Variants in CATSPER2 observed in about 807,000 individuals in gnomAD.
The protein encoded by CATSPER2 is cation channel sperm associated 2.
In CATSPER2, 56 loss-of-function variants were observed where a neutral mutation model predicts 68.8. That is an observed-to-expected ratio of 0.81 (90% CI 0.66 to 1.02). CATSPER2 has a LOEUF of 1.02. Ranked by LOEUF, CATSPER2 falls within the 50% of genes least tolerant of loss-of-function variation. The probability of loss-of-function intolerance (pLI) is 0.00; values close to 1 mark genes in which losing one functional copy is unlikely to be tolerated. For missense variants in CATSPER2, 582 were observed against 642.0 expected (o/e 0.91, Z 1.01); for synonymous variants, 198 against 229.9 (o/e 0.86, Z 1.26).
chr15:43,645,583 T>A (rs1469784615), intron 4 of CATSPER2, among the ~76,000 whole-genome samples: 1 of 151,566 alleles, frequency 6.6e-6, no homozygotes, highest in Non-Finnish European at 1.5e-5. Context: ...GCCCAGGAGT[T>A]CAAGACCAGC....
chr15:43,647,807 T>A, intron 2 of CATSPER2, 110 bp downstream of exon 2: 1 of 1,227,186 alleles, frequency 8.1e-7, no homozygotes, highest in Non-Finnish European at 1.2e-6. Context: ...CCTTGATTTA[T>A]CAAGTTTGGT....
chr15:43,635,773 C>G lies in CATSPER2; in HGVS notation c.1075G>C (p.Glu359Gln). Residue 359 changes from glutamate (E) to glutamine (Q), a missense_variant, in exon 9 of 13, where the codon GAG becomes CAG. By Grantham distance (29) the Glu-to-Gln change is conservative (BLOSUM62 2). Coordinates refer to ENST00000396879, the MANE Select transcript of CATSPER2 (RefSeq NM_172095.4). ...KELNEEMARR[E>Q]VQLKADMFKR... The stretch of plus-strand genomic sequence containing the variant: ...AACATGTCAGCTTTGAGCTGAACCT[C>G]CCGACGCGCCATCTCCTCATTCAGC... 6.2e-7 allele frequency: 1 copy of G among 1,613,598 alleles called. No homozygotes were observed. Among genetic ancestry groups the G allele is most frequent in the Non-Finnish European group, 8.5e-7 (1 of 1,179,804 alleles).
Position 43,630,483 on chromosome 15 carries a change from T to C in CATSPER2, c.*218A>G. 1 of 965,646 alleles carries C rather than the reference T, an allele frequency of 1.0e-6. No individual in the cohort carries two copies. The allele number at this position is 965,646 out of a possible 1,614,324, so 59.8% of individuals were successfully genotyped here. A position where few individuals can be genotyped will look rare whatever the true frequency, so the allele number is the denominator to read the frequency against. On this transcript the variant is annotated 3_prime_UTR_variant, in exon 13 of 13. Transcript: ENST00000396879. ...GATTCTCCTGCCTCAGGCTCCCAAG[T>C]AGCTATGATTACAAGCATCTGCCAC... is the stretch of plus-strand genomic sequence containing the variant.
chr15:43,639,596 C>T, intron 6 of CATSPER2, 47 bp downstream of exon 6: 1 of 1,610,892 alleles, frequency 6.2e-7, no homozygotes, highest in South Asian at 1.1e-5. Context: ...TAAGCCCTCA[C>T]ATTTATCTAC....
chr15:43,644,159 G>A (rs2086119823), intron 4 of CATSPER2, among the ~76,000 whole-genome samples: 2 of 152,078 alleles, frequency 1.3e-5, no homozygotes, highest in East Asian at 1.9e-4. Context: ...AGTTGTGGAA[G>A]CAGATTTTTT....
intron 10 of CATSPER2, chr15:43,635,024 G>C: frequency 2.9e-6 from 1 of 345,246 alleles, no homozygotes; most frequent in Non-Finnish European, 5.7e-6. Flanking sequence ...CTCTATCTCC[G>C]TCTTCACATC....
chr15:43,640,426 G>C lies in CATSPER2; in HGVS notation c.459C>G (p.Ile153Met). The C allele has an allele frequency of 6.2e-7, 1 of 1,613,124 alleles. No individual in the cohort carries two copies. Reference protein sequence around the residue: ...KLTLEVAAWFILLIFILEILL... With the variant: ...KLTLEVAAWFMLLIFILEILL... ...GGATCTCCAGGATGAAAATAAGCAAGATAAACCAAGCTGCCACCTCCAAGG... is the reference window on the plus strand; with the variant it reads ...GGATCTCCAGGATGAAAATAAGCAACATAAACCAAGCTGCCACCTCCAAGG... Residue 153 changes from isoleucine (I) to methionine (M), a missense_variant, in exon 5 of 13, where the codon ATC (isoleucine) becomes ATG (methionine). Physicochemically the swap from Ile to Met is conservative, Grantham distance 10 (BLOSUM62 1). This residue lies in a region of CATSPER2 where 197 missense variants were observed against 191.0 expected (regional missense o/e 1.03). Coordinates refer to ENST00000396879, the MANE Select transcript of CATSPER2 (RefSeq NM_172095.4).
rs754652195 is a variant in CATSPER2 at position 43,647,395 on chromosome 15, C to A, written c.218G>T (p.Arg73Leu). Reference sequence around the variant, plus strand: ...CTGGGCATGTGAAATCTGTTCTATACGCTGAGGCTTTATAGAGAAACGCAC... The same window carrying A: ...CTGGGCATGTGAAATCTGTTCTATAAGCTGAGGCTTTATAGAGAAACGCAC... ...QLVRFSIKPQ[R>L]IEQISHAQRL... Residue 73 changes from arginine (R) to leucine (L), a missense_variant, in exon 3 of 13, where the codon CGT (arginine) becomes CTT (leucine). Physicochemically the swap from Arg to Leu is moderately radical, Grantham distance 102. Coordinates refer to ENST00000396879, the MANE Select transcript of CATSPER2 (RefSeq NM_172095.4). 1 of 1,613,294 alleles carries A rather than the reference C, an allele frequency of 6.2e-7. No homozygotes were observed. The highest frequency in any genetic ancestry group is 8.5e-7 in the Non-Finnish European group (1 of 1,179,510).
At chr15:43,647,224 G>A in intron 3 of CATSPER2, 70 bp downstream of exon 3, 2 of 1,579,424 alleles carry the variant, frequency 1.3e-6, no homozygotes, top group Non-Finnish European at 1.7e-6. Context: ...GTGGAGTATG[G>A]GGAGCAAAAA....
chr15:43,647,444 C>G lies in CATSPER2; in HGVS notation c.169G>C (p.Val57Leu). 6.2e-7 allele frequency: 1 copy of G among 1,613,104 alleles called. No homozygotes were observed. The highest frequency in any genetic ancestry group is 8.5e-7 in the Non-Finnish European group (1 of 1,179,552). Residue 57 changes from valine (V) to leucine (L), a missense_variant, in exon 3 of 13, where the codon GTA becomes CTA. Val to Leu is a conservative substitution (Grantham distance 32, BLOSUM62 1). Around this residue, in one of 5 missense-constraint regions of CATSPER2, gnomAD observed 197 missense variants for 191.0 expected, o/e 1.03. Transcript: ENST00000396879. ...ACTAGCTGGTGTTGATCTCCCAATA[C>G]AAGTTTCTTCTGGCGGGAAGGATCT... ...LLDPSRQKKL[V>L]LGDQHQLVRF...
At chr15:43,647,020 C>G (rs376544599) in intron 4 of CATSPER2, 30 bp downstream of exon 4, 3 of 1,590,408 alleles carry the variant, frequency 1.9e-6, no homozygotes, top group Non-Finnish European at 2.6e-6. Flanking sequence ...CCCGGCCTCA[C>G]TTCCTCTTTC....
intron 7 of CATSPER2, chr15:43,637,705 C>T (rs535748097): frequency 6.6e-6 from 1 of 151,788 alleles, no homozygotes; most frequent in African/African-American, 2.4e-5. Context: ...CTATATCGTT[C>T]CAATTTTAGT....
chr15:43,638,666 T>TGACA (rs2086012282), intron 7 of CATSPER2, among the ~76,000 whole-genome samples: 1 of 151,898 alleles, frequency 6.6e-6, no homozygotes, highest in Non-Finnish European at 1.5e-5. Context: ...AGATGCCTGA[T>TGACA]GACAGTGTGG....
In CATSPER2 at chr15:43,647,339, T is replaced by A. The variant is rs769296083; in HGVS notation, c.274A>T (p.Ser92Cys). 3 of 1,612,414 alleles carry A rather than the reference T, an allele frequency of 1.9e-6. No homozygotes were observed. The highest frequency in any genetic ancestry group is 1.7e-5 in the Admixed American group (1 of 59,982). The stretch of plus-strand genomic sequence containing the variant: ...CACAAAGAAAGAGGTGGCCTCTGAC[T>A]GCAGCGCACATGAAGCCTGCTCAAC... Reference protein sequence around the residue: ...RLLSRLHVRCSQRPPLSLWAG... With the variant: ...RLLSRLHVRCCQRPPLSLWAG... Residue 92 changes from serine (S) to cysteine (C), a missense_variant, in exon 3 of 13, where the codon AGT (serine) becomes TGT (cysteine). Coordinates refer to ENST00000396879, the MANE Select transcript of CATSPER2 (RefSeq NM_172095.4).
chr15:43,640,142 AC>A, intron 5 of CATSPER2, 181 bp downstream of exon 5: 1 of 1,488,502 alleles, frequency 6.7e-7, no homozygotes, highest in Non-Finnish European at 8.9e-7. Context: ...TAGTTAGTCT[AC>A]TTTGCTCCTA....
At chr15:43,648,490 G>C (rs1457938867) in intron 1 of CATSPER2, 139 bp downstream of exon 1, 1 of 878,570 alleles carries the variant, frequency 1.1e-6, no homozygotes, top group Non-Finnish European at 1.6e-6. Context: ...GCTCACGCAA[G>C]AGAAACCAAG....
At chr15:43,647,228 G>C in intron 3 of CATSPER2, 66 bp downstream of exon 3, 1 of 1,578,700 alleles carries the variant, frequency 6.3e-7, no homozygotes, top group Non-Finnish European at 8.7e-7. Context: ...AGTATGGGGA[G>C]CAAAAAATAA....
At position 43,641,344 on chromosome 15, in the gene CATSPER2, C is replaced by T. The variant is rs184365596; in HGVS notation, c.389-848G>A. Among the ~76,000 whole-genome samples, 4 of 151,912 alleles carry T rather than the reference C, an allele frequency of 2.6e-5. No homozygotes were observed. The East Asian group carries it at 7.7e-4, about 29-fold the overall frequency. On this transcript the variant is annotated intron_variant, in intron 4 of 12. Transcript: ENST00000396879. ...TTGAGGCTGGTCTCAAACTCCTGAC[C>T]TCAGGTGATCCGCCCACCTCAGCCT...
Position 43,630,499 on chromosome 15 carries a change from C to A in CATSPER2, c.*202G>T, listed in dbSNP as rs1341857845. 4 of 1,127,798 alleles carry A rather than the reference C, an allele frequency of 3.5e-6. No homozygotes were observed. In the African/African-American group the frequency reaches 6.3e-5, roughly 18 times the overall value. The allele number at this position is 1,127,798 out of a possible 1,614,324, so 69.9% of individuals were successfully genotyped here. A position where few individuals can be genotyped will look rare whatever the true frequency, so the allele number is the denominator to read the frequency against. ...GCTCCCAAGTAGCTATGATTACAAGCATCTGCCACCACACCCAGCTAATTT... is the reference window on the plus strand; with the variant it reads ...GCTCCCAAGTAGCTATGATTACAAGAATCTGCCACCACACCCAGCTAATTT... On this transcript the variant is annotated 3_prime_UTR_variant, in exon 13 of 13. Transcript: ENST00000396879.
Sources: gnomAD v4.1 joint callset for allele counts (sites outside exome capture counted in the v4.1 genomes callset) on GRCh38, gnomAD v4.1.1 for gene constraint, gnomAD v4.1.1 regional missense constraint, MANE v1.5 for transcripts, NCBI Gene and HGNC (gene_info 2026-07-23, HGNC 2026-07-21) for gene names.